The following CSMD2 variants were observed in gnomAD, a reference collection of about 807,000 sequenced individuals.
CSMD2 encodes the protein CUB and sushi domain-containing protein 2.
A neutral mutation model predicts 398.5 loss-of-function variants in CSMD2; 130 were observed. The ratio of observed to expected loss-of-function variants is 0.33; its 90% CI spans 0.28 to 0.38. The LOEUF (loss-of-function observed/expected upper bound fraction) is 0.38, where lower values mean the gene tolerates loss of function less well. Among genes scored for constraint, CSMD2 ranks in the 10% least tolerant of loss-of-function variants. CSMD2 has a pLI of 1.00. For synonymous variants in CSMD2, 1,828 were observed against 1,908.5 expected, an observed-to-expected ratio of 0.96 and a Z score of 1.10; for missense variants, 3,829 against 4,764.9, an observed-to-expected ratio of 0.80 and a Z score of 5.78.
Position 33,635,170 on chromosome 1 carries a change from G to C in CSMD2, c.5086+44C>G, listed in dbSNP as rs202142839. The C allele has an allele frequency of 1.0e-4, 126 of 1,201,354 alleles. No homozygotes were observed. The highest frequency in any genetic ancestry group is 1.5e-4 in the Non-Finnish European group (121 of 812,278). 74.4% of individuals were successfully genotyped at this position (1,201,354 alleles called of 1,614,324 possible). A position where few individuals can be genotyped will look rare whatever the true frequency, so the allele number is the denominator to read the frequency against. On this transcript the variant is annotated intron_variant, in intron 31 of 70. Transcript: ENST00000373381. The surrounding 1 kb of genome is among the most constrained non-coding windows in gnomAD (Gnocchi z 5.0). The stretch of plus-strand genomic sequence containing the variant: ...GAATTGCTCATTTTGGAATGAGGGT[G>C]AGGAGTCAGAAAACATATGAACAAC...
At chr1:33,741,070 T>C (rs952981726) in intron 14 of CSMD2, among the ~76,000 whole-genome samples, 2 of 152,278 alleles carry the variant, frequency 1.3e-5, no homozygotes, top group South Asian at 4.1e-4. Flanking sequence ...AGGTGCTTAA[T>C]GGATGGCAGC....
chr1:33,582,988 T>C (rs1261806002), intron 47 of CSMD2, among the ~76,000 whole-genome samples: 1 of 152,230 alleles, frequency 6.6e-6, no homozygotes, highest in African/African-American at 2.4e-5. Context: ...CCCAGAGCTA[T>C]GTTACTTCTC....
At chr1:33,857,809 G>C (rs1158146) in intron 5 of CSMD2, among the ~76,000 whole-genome samples, 92,624 of 151,976 alleles carry the variant, frequency 0.61, 29,598 homozygotes, top group East Asian at 0.85. Flanking sequence ...AGTGAGGAGT[G>C]CTAGGCAGAC....
intron 3 of CSMD2, among the ~76,000 whole-genome samples, chr1:33,936,830 C>T (rs56334051): frequency 0.045 from 6,843 of 152,210 alleles, 513 homozygotes; most frequent in African/African-American, 0.15. Context: ...TCTAGGATAC[C>T]CCCATGGGGT....
intron 6 of CSMD2, among the ~76,000 whole-genome samples, chr1:33,831,795 C>T (rs1659601321): frequency 6.6e-6 from 1 of 150,770 alleles, no homozygotes. Context: ...CACATAGGCT[C>T]AAAATAAAAG....
At chr1:33,818,708 G>A (rs1368975688) in intron 9 of CSMD2, among the ~76,000 whole-genome samples, 2 of 152,204 alleles carry the variant, frequency 1.3e-5, no homozygotes, top group Non-Finnish European at 2.9e-5. Flanking sequence ...AAAGTTGAAT[G>A]AGGATGTAAG....
chr1:33,850,861 T>G (rs1296816691), intron 5 of CSMD2, among the ~76,000 whole-genome samples: 3 of 152,134 alleles, frequency 2.0e-5, no homozygotes, highest in African/African-American at 7.2e-5. Context: ...TGTAGTTGAT[T>G]ATAGAAAAGT....
intron 6 of CSMD2, 61 bp downstream of exon 6, chr1:33,846,823 C>A: frequency 2.9e-6 from 3 of 1,052,112 alleles, no homozygotes; most frequent in Non-Finnish European, 4.1e-6. Flanking sequence ...AGGTGATGAG[C>A]CCTCCAGGTG....
In CSMD2 at chr1:33,586,585, A is replaced by G; in HGVS notation, c.6970T>C (p.Phe2324Leu). Residue 2324 changes from phenylalanine to leucine, a missense_variant, in exon 46 of 71, where the codon TTT becomes CTT. Physicochemically the swap from Phe to Leu is conservative, Grantham distance 22. Around this residue, in one of 5 missense-constraint regions of CSMD2, gnomAD observed 723 missense variants for 758.6 expected, o/e 0.95. Coordinates refer to ENST00000373381, the MANE Select transcript of CSMD2 (RefSeq NM_001281956.2). ...DIVRYRCLPGFTLVGNEILTC... is the reference protein window; with the variant it reads ...DIVRYRCLPGLTLVGNEILTC... ...AGAATTTCATTCCCCACTAAGGTAAAGCCAGGGAGGCATCTGTAGCGTACG... is the reference window on the plus strand; with the variant it reads ...AGAATTTCATTCCCCACTAAGGTAAGGCCAGGGAGGCATCTGTAGCGTACG... The G allele has an allele frequency of 5.0e-6, 8 of 1,613,698 alleles. No homozygotes were observed. The highest frequency in any genetic ancestry group is 5.9e-6 in the Non-Finnish European group (7 of 1,179,692).
intron 3 of CSMD2, among the ~76,000 whole-genome samples, chr1:34,025,143 G>A (rs2148126647): frequency 6.6e-6 from 1 of 152,324 alleles, no homozygotes; most frequent in South Asian, 2.1e-4. Context: ...GGCAGCTCTG[G>A]CTCCATCTGT....
intron 7 of CSMD2, among the ~76,000 whole-genome samples, chr1:33,821,721 C>A (rs1557949988): frequency 1.3e-5 from 2 of 152,252 alleles, no homozygotes; most frequent in Non-Finnish European, 2.9e-5. Context: ...CAGATAAGAC[C>A]ACTGTCCTCA....
chr1:33,864,773 A>T (rs1455114048), intron 5 of CSMD2: 3 of 1,574,738 alleles, frequency 1.9e-6, no homozygotes, highest in Non-Finnish European at 2.6e-6. Flanking sequence ...TTGAAAAAAC[A>T]AAATGCCATT....
chr1:33,900,665 G>A (rs1192390447), intron 5 of CSMD2, among the ~76,000 whole-genome samples: 1 of 152,014 alleles, frequency 6.6e-6, no homozygotes, highest in Non-Finnish European at 1.5e-5. Context: ...TGTAATCCCA[G>A]CTACTGGGGA....
intron 1 of CSMD2, among the ~76,000 whole-genome samples, chr1:34,102,283 G>A (rs1457514585): frequency 1.3e-5 from 2 of 152,132 alleles, no homozygotes; most frequent in Non-Finnish European, 2.9e-5. Flanking sequence ...ACCCGCCTCG[G>A]CCTCCCAAAG....
At chr1:33,778,122 C>T (rs553971116) in intron 12 of CSMD2, among the ~76,000 whole-genome samples, 1 of 152,180 alleles carries the variant, frequency 6.6e-6, no homozygotes, top group Non-Finnish European at 1.5e-5. Context: ...TTACCTCCTC[C>T]AAGACATTTT....
rs533796159 is a variant in CSMD2, at chr1:33,624,714, C to CT, written c.5501-72dup. 2.1e-4 allele frequency: 330 copies of CT among 1,559,492 alleles called. 1 individual carries two copies. In the South Asian group the frequency reaches 3.7e-3, roughly 18 times the overall value. On this transcript the variant is annotated intron_variant, in intron 34 of 70. Transcript: ENST00000373381. This position sits in a 1 kb window ranked among gnomAD's most constrained non-coding sequence, Gnocchi z 4.7. ...GGAGCCTTCCCAAGCTGACTCCTCC[C>CT]TCATGGCCCCCAGCCTCTGTTTGTC... is the stretch of plus-strand genomic sequence containing the variant.
In CSMD2 at chr1:34,048,631, C is replaced by T. The variant is rs536718881; in HGVS notation, c.405-15925G>A. On this transcript the variant is annotated intron_variant, in intron 2 of 70. Transcript: ENST00000373381. ...GAAGATGGACAGAAAGAATGGGGGTCTTCTCCTTACCTGCTCTGTACCACA... is the reference window on the plus strand; with the variant it reads ...GAAGATGGACAGAAAGAATGGGGGTTTTCTCCTTACCTGCTCTGTACCACA... Among the ~76,000 whole-genome samples, 6 of 152,270 alleles carry T rather than the reference C, an allele frequency of 3.9e-5. No individual in the cohort carries two copies. In the East Asian group the frequency reaches 9.7e-4, roughly 25 times the overall value.
chr1:33,579,093 A>G (rs1218663896), intron 48 of CSMD2, among the ~76,000 whole-genome samples: 1 of 152,196 alleles, frequency 6.6e-6, no homozygotes, highest in Non-Finnish European at 1.5e-5. Flanking sequence ...TCTACGTGGC[A>G]TATGTATTGT....
chr1:33,918,541 G>C (rs553264290), intron 4 of CSMD2, among the ~76,000 whole-genome samples: 6 of 152,188 alleles, frequency 3.9e-5, no homozygotes, highest in African/African-American at 9.6e-5. Flanking sequence ...ATGGAGAAGA[G>C]GGGGAAGGAC....
Sources: allele counts gnomAD v4.1 joint callset (sites outside exome capture counted in the v4.1 genomes callset), GRCh38; gene constraint gnomAD v4.1.1; regional missense constraint gnomAD v4.1.1; non-coding constraint Gnocchi (gnomAD v3.1); transcripts MANE v1.5; gene names NCBI Gene and HGNC (gene_info 2026-07-23, HGNC 2026-07-21).